The following DCAF5 variants were observed in gnomAD, a reference collection of about 807,000 sequenced individuals.
DCAF5 encodes DDB1 and CUL4 associated factor 5, also known as DDB1- and CUL4-associated factor 5.
Under a neutral mutation model 80.7 loss-of-function variants are expected in DCAF5, and 9 were observed. That is an observed-to-expected ratio of 0.11 (90% confidence interval 0.07 to 0.19). The LOEUF (loss-of-function observed/expected upper bound fraction) is 0.19, where lower values mean the gene tolerates loss of function less well. Ranked by LOEUF, DCAF5 falls within the 10% of genes least tolerant of loss-of-function variation. The pLI is 1.00. For synonymous variants in DCAF5, 433 were observed against 461.9 expected (o/e 0.94, Z 0.80); for missense variants, 842 against 1,205.7 (o/e 0.70, Z 4.47).
rs998618931 is a variant in DCAF5, at chr14:69,051,814, GCTGA to G, written c.*2039_*2042del. ...TAGAATAAAATAAAGGACTGGGTGT[GCTGA>G]CTAAGAAGGGGAAGAGAAACACACA... On this transcript the variant is annotated 3_prime_UTR_variant, in exon 9 of 9. Transcript: ENST00000341516. The G allele has an allele frequency of 1.9e-4, 29 of 152,760 alleles. No homozygotes were observed. Among genetic ancestry groups the G allele is most frequent in the African/African-American group, 3.4e-4 (14 of 41,574 alleles). The allele number at this position is 152,760 out of a possible 1,614,324, so 9.5% of individuals were successfully genotyped here.
rs748769287 is a variant in DCAF5 at position 69,097,584 on chromosome 14, T to TA, written c.666-5698_666-5697insT. 0.031 allele frequency among the ~76,000 whole-genome samples: 1,955 copies of TA among 62,826 alleles called. 25 individuals carry two copies. In the East Asian group the frequency reaches 0.38, roughly 12 times the overall value. 41.2% of individuals were successfully genotyped at this position (62,826 alleles called of 152,430 possible). A position where few individuals can be genotyped will look rare whatever the true frequency, so the allele number is the denominator to read the frequency against. On this transcript the variant is annotated intron_variant, in intron 5 of 8. Transcript: ENST00000341516. ...CCCACTGGATTATTATTATTATTAT[T>TA]TTTTTTTTTTTTTTTTTTTTGAGAC... is the stretch of plus-strand genomic sequence containing the variant.
At position 69,055,287 on chromosome 14, in the gene DCAF5, G is replaced by A. The variant is rs770265359; in HGVS notation, c.1399C>T (p.Arg467Cys). 7 of 1,614,092 alleles carry A rather than the reference G, an allele frequency of 4.3e-6. No homozygotes were observed. Among genetic ancestry groups the A allele is most frequent in the Non-Finnish European group, 5.9e-6 (7 of 1,180,040 alleles). The change falls in exon 9 of 9, where the codon CGC becomes TGC. Residue 467 changes from arginine (R) to cysteine (C), a missense_variant. Physicochemically the swap from Arg to Cys is radical, Grantham distance 180. This residue lies in a region of DCAF5 where 607 missense variants were observed against 656.6 expected (regional missense o/e 0.92). Transcript: ENST00000341516. The surrounding 1 kb of genome is among the most constrained non-coding windows in gnomAD (Gnocchi z 5.6). ...TDSESSASLP[R>C]SPPPTVDESA... ...TCATCTACTGTGGGAGGCGGGGAGC[G>A]AGGCAATGAGGCCGAAGACTCTGAG...
intron 6 of DCAF5, chr14:69,085,043 G>T (rs1240079099): frequency 7.8e-7 from 1 of 1,278,830 alleles, no homozygotes; most frequent in African/African-American, 1.5e-5. Context: ...ACTTTTCCTG[G>T]TCTAAAATTT....
Position 69,066,999 on chromosome 14 carries a change from T to C in DCAF5, c.947-4488A>G, listed in dbSNP as rs145774601. Reference sequence around the variant, plus strand: ...ATTTATCAATCATGCTGGGACACTGTCCTCAATACCACTTCCCGTCTTCCT... The same window carrying C: ...ATTTATCAATCATGCTGGGACACTGCCCTCAATACCACTTCCCGTCTTCCT... On this transcript the variant is annotated intron_variant, in intron 7 of 8. Transcript: ENST00000341516. Among the ~76,000 whole-genome samples, 245 of 152,348 alleles carry C rather than the reference T, an allele frequency of 1.6e-3. 3 individuals are homozygous for C. The East Asian group carries it at 0.043, about 27-fold the overall frequency.
chr14:69,150,036 T>C (rs1449087169), intron 1 of DCAF5, among the ~76,000 whole-genome samples: 1 of 152,238 alleles, frequency 6.6e-6, no homozygotes, highest in African/African-American at 2.4e-5. Flanking sequence ...CAGGAGGAAC[T>C]TTCTGTTAAC....
At chr14:69,135,970 AATT>A (rs1264149075) in intron 1 of DCAF5, among the ~76,000 whole-genome samples, 1 of 152,214 alleles carries the variant, frequency 6.6e-6, no homozygotes, top group Admixed American at 6.5e-5. Context: ...GGCTACGAGA[AATT>A]ATTCGATATG....
At position 69,054,635 on chromosome 14, in the gene DCAF5, AAGG is replaced by A; in HGVS notation, c.2048_2050del (p.Ser683del). On this transcript the variant is annotated inframe_deletion, in exon 9 of 9. Coordinates refer to ENST00000341516, the MANE Select transcript of DCAF5 (RefSeq NM_003861.3). ...CCCTTCATCTGCCTCCCCGGTCACC[AAGG>A]AGGTCTCTCCATCTTTGTTATTTGA... 1 of 1,614,156 alleles carries A rather than the reference AAGG, an allele frequency of 6.2e-7. No homozygotes were observed. The highest frequency in any genetic ancestry group is 8.5e-7 in the Non-Finnish European group (1 of 1,179,998).
rs369305570 is a variant in DCAF5, at chr14:69,054,822, C to T, written c.1864G>A (p.Val622Met). 6.2e-7 allele frequency: 1 copy of T among 1,614,232 alleles called. No individual in the cohort carries two copies. The highest frequency in any genetic ancestry group is 8.5e-7 in the Non-Finnish European group (1 of 1,180,046). The change falls in exon 9 of 9, where the codon GTG (valine) becomes ATG (methionine). Residue 622 changes from valine to methionine, a missense_variant. By Grantham distance (21) the Val-to-Met change is conservative. Transcript: ENST00000341516. ...GTTGGGGAGGAGGAGAGGTCATCCA[C>T]TTTGATCTGGGGGTAATCATAGTTG... ...EDNYDYPQIK[V>M]DDLSSSPTSS...
chr14:69,098,976 GGC>G (rs2039849034), intron 5 of DCAF5, among the ~76,000 whole-genome samples: 2 of 151,254 alleles, frequency 1.3e-5, no homozygotes, highest in South Asian at 4.2e-4. Flanking sequence ...TAACAGGCCT[GGC>G]GCAGTGGCTC....
rs1179277863 is a variant in DCAF5 at position 69,119,069 on chromosome 14, A to G, written c.395+125T>C. The G allele has an allele frequency of 9.1e-6, 8 of 875,188 alleles. No individual in the cohort carries two copies. In the East Asian group the frequency reaches 2.3e-4, roughly 25 times the overall value. The allele number at this position is 875,188 out of a possible 1,614,324, so 54.2% of individuals were successfully genotyped here. ...AAACTATTGTAGGAATTTTTTTAGA[A>G]AAGAACAGCTGGTTTCATGTTGTTT... On this transcript the variant is annotated intron_variant, in intron 3 of 8. Coordinates refer to ENST00000341516, the MANE Select transcript of DCAF5 (RefSeq NM_003861.3).
At chr14:69,059,897 C>T (rs1199639384) in intron 8 of DCAF5, among the ~76,000 whole-genome samples, 2 of 152,184 alleles carry the variant, frequency 1.3e-5, no homozygotes, top group Admixed American at 6.5e-5. Context: ...GTCTGGATAA[C>T]CTCACAGATA....
chr14:69,055,669 T>C lies in DCAF5; in HGVS notation c.1075-58A>G. 6.6e-7 allele frequency: 1 copy of C among 1,517,958 alleles called. No individual in the cohort carries two copies. Among genetic ancestry groups the C allele is most frequent in the Non-Finnish European group, 8.9e-7 (1 of 1,120,242 alleles). 94.0% of individuals were successfully genotyped at this position (1,517,958 alleles called of 1,614,324 possible). On this transcript the variant is annotated intron_variant, in intron 8 of 8. Transcript: ENST00000341516. The surrounding 1 kb of genome is among the most constrained non-coding windows in gnomAD (Gnocchi z 5.6). ...GAGTAACTGGAAAGTATTCTTTCAC[T>C]GGTGGTGATAAAGAACACCAAGGCA...
intron 6 of DCAF5, among the ~76,000 whole-genome samples, chr14:69,076,548 T>C (rs953386119): frequency 2.6e-5 from 4 of 152,160 alleles, no homozygotes; most frequent in Non-Finnish European, 5.9e-5. Flanking sequence ...AAGACAGATA[T>C]TGTATGACTC....
chr14:69,147,163 T>C (rs568649166), intron 1 of DCAF5, among the ~76,000 whole-genome samples: 1 of 152,374 alleles, frequency 6.6e-6, no homozygotes, highest in South Asian at 2.1e-4. Context: ...GGTGTAATAA[T>C]AGCTATTATT....
At chr14:69,085,868 C>T (rs1367476815) in intron 6 of DCAF5, among the ~76,000 whole-genome samples, 1 of 152,216 alleles carries the variant, frequency 6.6e-6, no homozygotes, top group Non-Finnish European at 1.5e-5. Context: ...CCTCACCAGA[C>T]CATATCATTG....
At position 69,068,698 on chromosome 14, in the gene DCAF5, C is replaced by CAAAA. The variant is rs201955188; in HGVS notation, c.947-6191_947-6188dup. On this transcript the variant is annotated intron_variant, in intron 7 of 8. Transcript: ENST00000341516. ...GGACAATAAGAATGAAACTCCATCT[C>CAAAA]AAAAAAAAAAAAAAAAAAAGTTTAC... is the stretch of plus-strand genomic sequence containing the variant. Among the ~76,000 whole-genome samples, 389 of 67,996 alleles carry CAAAA rather than the reference C, an allele frequency of 5.7e-3. 5 individuals carry two copies. Among genetic ancestry groups the CAAAA allele is most frequent in the African/African-American group, 0.015 (362 of 23,618 alleles). 44.6% of individuals were successfully genotyped at this position (67,996 alleles called of 152,430 possible). A position where few individuals can be genotyped will look rare whatever the true frequency, so the allele number is the denominator to read the frequency against.
intron 1 of DCAF5, among the ~76,000 whole-genome samples, chr14:69,122,692 G>A (rs2040758120): frequency 6.6e-6 from 1 of 152,160 alleles, no homozygotes; most frequent in Admixed American, 6.5e-5. Flanking sequence ...ACCCCTTCAT[G>A]GAAGTCCTTT....
At position 69,051,705 on chromosome 14, in the gene DCAF5, ACTT is replaced by A; in HGVS notation, c.*2149_*2151del. ...GCTAGTTCCCAAGGGAACTTTAACT[ACTT>A]CTTTTCAGGAAGATATGTATCCGAT... On this transcript the variant is annotated 3_prime_UTR_variant, in exon 9 of 9. Coordinates refer to ENST00000341516, the MANE Select transcript of DCAF5 (RefSeq NM_003861.3). 6.6e-6 allele frequency: 1 copy of A among 152,602 alleles called. No homozygotes were observed. Among genetic ancestry groups the A allele is most frequent in the South Asian group, 2.1e-4 (1 of 4,832 alleles). 9.5% of individuals were successfully genotyped at this position (152,602 alleles called of 1,614,324 possible). A position where few individuals can be genotyped will look rare whatever the true frequency, so the allele number is the denominator to read the frequency against.
At chr14:69,076,580 G>T (rs897537140) in intron 6 of DCAF5, among the ~76,000 whole-genome samples, 2 of 152,210 alleles carry the variant, frequency 1.3e-5, no homozygotes, top group Non-Finnish European at 2.9e-5. Flanking sequence ...GGCACTTAGA[G>T]TAATAAAATT....
Sources: allele counts gnomAD v4.1 joint callset (sites outside exome capture counted in the v4.1 genomes callset), GRCh38; gene constraint gnomAD v4.1.1; regional missense constraint gnomAD v4.1.1; non-coding constraint Gnocchi (gnomAD v3.1); transcripts MANE v1.5; gene names NCBI Gene and HGNC (gene_info 2026-07-23, HGNC 2026-07-21).